The following WNT2B variants were observed in gnomAD, a reference collection of about 807,000 sequenced individuals.
WNT2B encodes Wnt family member 2B, also known as protein Wnt-2b.
WNT2B carries 19 observed loss-of-function variants against 40.5 expected under a neutral mutation model. That is an observed-to-expected ratio of 0.47 (90% CI 0.33 to 0.69). The LOEUF (loss-of-function observed/expected upper bound fraction) is 0.69. Ranked by LOEUF, WNT2B falls within the 30% of genes least tolerant of loss-of-function variation. The probability of loss-of-function intolerance (pLI) is 0.02; values close to 1 mark genes in which losing one functional copy is unlikely to be tolerated. For synonymous variants in WNT2B, 220 were observed against 211.9 expected, an observed-to-expected ratio of 1.04 and a Z score of -0.33; for missense variants, 467 against 556.4, an observed-to-expected ratio of 0.84 and a Z score of 1.62.
At chr1:112,481,123 C>T (rs569332345) in intron 1 of WNT2B, among the ~76,000 whole-genome samples, 17 of 151,232 alleles carry the variant, frequency 1.1e-4, no homozygotes, top group African/African-American at 3.6e-4. Context: ...GAGCCGAGAT[C>T]GCGCCACTGC....
intron 1 of WNT2B, among the ~76,000 whole-genome samples, chr1:112,514,310 A>G (rs1557920765): frequency 6.6e-6 from 1 of 152,124 alleles, no homozygotes; most frequent in African/African-American, 2.4e-5. Context: ...ACGATTGGGA[A>G]TGAGGATTTT....
chr1:112,488,852 C>T (rs1244866760), intron 1 of WNT2B, among the ~76,000 whole-genome samples: 1 of 152,062 alleles, frequency 6.6e-6, no homozygotes, highest in Non-Finnish European at 1.5e-5. Flanking sequence ...CTGTGCCTGG[C>T]CCTTTATTTA....
intron 1 of WNT2B, among the ~76,000 whole-genome samples, chr1:112,485,631 C>T (rs908292624): frequency 2.0e-5 from 3 of 152,108 alleles, no homozygotes; most frequent in East Asian, 1.9e-4. Context: ...ATGGAGAAAG[C>T]GTAATCTTTT....
chr1:112,513,284 C>A (rs935485147), intron 1 of WNT2B, among the ~76,000 whole-genome samples: 2 of 152,180 alleles, frequency 1.3e-5, no homozygotes, highest in Non-Finnish European at 2.9e-5. Context: ...CGTCAGGCAG[C>A]CTTTCCGGCC....
rs927399290 is a variant in WNT2B at position 112,509,466 on chromosome 1, G to A, written c.182+22G>A. ...GGTGGTAAGTGTGGCTCTCAGGCTG[G>A]GCGGGTGAGGCGCTTGGTAGGAGAG... On this transcript the variant is annotated intron_variant, in intron 1 of 4. Coordinates refer to ENST00000369684, the MANE Select transcript of WNT2B (RefSeq NM_024494.3). This position sits in a 1 kb window ranked among gnomAD's most constrained non-coding sequence, Gnocchi z 4.2. The A allele has an allele frequency of 6.5e-7, 1 of 1,546,100 alleles. No individual in the cohort carries two copies. Among genetic ancestry groups the A allele is most frequent in the Non-Finnish European group, 8.6e-7 (1 of 1,161,186 alleles).
At chr1:112,474,085 AAG>A (rs1650980447) in intron 1 of WNT2B, among the ~76,000 whole-genome samples, 1 of 150,430 alleles carries the variant, frequency 6.6e-6, no homozygotes, top group Non-Finnish European at 1.5e-5. Context: ...AAAAAAAAGA[AAG>A]AAAAAGAAAA....
chr1:112,502,984 C>T (rs1264441328), intron 1 of WNT2B, among the ~76,000 whole-genome samples: 1 of 151,824 alleles, frequency 6.6e-6, no homozygotes, highest in East Asian at 2.0e-4. Flanking sequence ...CACACACACT[C>T]ACACACACAC....
In WNT2B at chr1:112,527,303, A is replaced by C. The variant is rs1343535898; in HGVS notation, c.*6794A>C. The C allele has an allele frequency of 1.3e-5, 2 of 152,316 alleles. No individual in the cohort carries two copies. The highest frequency in any genetic ancestry group is 4.8e-5 in the African/African-American group (2 of 41,452). The allele number at this position is 152,316 out of a possible 1,614,324, so 9.4% of individuals were successfully genotyped here. On this transcript the variant is annotated 3_prime_UTR_variant, in exon 5 of 5. Transcript: ENST00000369684. ...GAGCTAGGAGAAGAACACCTCATGA[A>C]AACAGTCTACCTATAGTCAGGACTT...
In WNT2B at chr1:112,516,205, G is replaced by A. The variant is rs1258923351; in HGVS notation, c.469G>A (p.Ala157Thr). 5.0e-6 allele frequency: 8 copies of A among 1,613,926 alleles called. No homozygotes were observed. The highest frequency in any genetic ancestry group is 2.2e-5 in the South Asian group (2 of 91,076). ...AGGGGTAGTCCACGCTATTACTCGC[G>A]CCTGTAGCCAGGGTGAACTGAGTGT... ...SAGVVHAITR[A>T]CSQGELSVCS... Residue 157 changes from alanine (A) to threonine (T), a missense_variant, in exon 3 of 5, where the codon GCC becomes ACC. Physicochemically the swap from Ala to Thr is moderately conservative, Grantham distance 58. Transcript: ENST00000369684.
rs1652839171 is a variant in WNT2B, at chr1:112,520,974, CT to C, written c.*466del. On this transcript the variant is annotated 3_prime_UTR_variant, in exon 5 of 5. Transcript: ENST00000369684. The stretch of plus-strand genomic sequence containing the variant: ...CTGAAGTCCGTTTGAGCAGAACTAC[CT>C]GGTACCCCGAAAGAAAATCTTAGGC... The C allele has an allele frequency of 6.1e-6, 1 of 162,960 alleles. No homozygotes were observed. The highest frequency in any genetic ancestry group is 1.8e-4 in the South Asian group (1 of 5,656). 10.1% of individuals were successfully genotyped at this position (162,960 alleles called of 1,614,324 possible).
chr1:112,467,285 A>G (rs754117727), exon 1 of WNT2B: 12 of 517,024 alleles, frequency 2.3e-5, no homozygotes, highest in Non-Finnish European at 3.8e-5. Flanking sequence ...TGGTCTGCCC[A>G]GGCAAAGAAT....
In WNT2B at chr1:112,509,495, G is replaced by A; in HGVS notation, c.182+51G>A. The A allele has an allele frequency of 2.0e-6, 3 of 1,506,442 alleles. No individual in the cohort carries two copies. Among genetic ancestry groups the A allele is most frequent in the Non-Finnish European group, 2.6e-6 (3 of 1,145,022 alleles). The allele number at this position is 1,506,442 out of a possible 1,614,324, so 93.3% of individuals were successfully genotyped here. ...GGTGAGGCGCTTGGTAGGAGAGGCC[G>A]GAGGCGCCTGGAGGGACTGGCTGCT... On this transcript the variant is annotated intron_variant, in intron 1 of 4. Transcript: ENST00000369684. The surrounding 1 kb of genome is among the most constrained non-coding windows in gnomAD (Gnocchi z 4.2).
intron 1 of WNT2B, among the ~76,000 whole-genome samples, chr1:112,499,662 A>G (rs1651887088): frequency 6.6e-6 from 1 of 152,246 alleles, no homozygotes. Context: ...AAAAACAGGT[A>G]CAAAAACCCT....
intron 1 of WNT2B, among the ~76,000 whole-genome samples, chr1:112,481,785 A>G (rs535085149): frequency 6.6e-6 from 1 of 152,262 alleles, no homozygotes; most frequent in African/African-American, 2.4e-5. Context: ...CCAGGTCAAG[A>G]GAATTGCTTG....
intron 1 of WNT2B, among the ~76,000 whole-genome samples, chr1:112,468,107 A>C (rs1227675711): frequency 6.6e-6 from 1 of 152,186 alleles, no homozygotes; most frequent in Non-Finnish European, 1.5e-5. Flanking sequence ...AGTGACTTCC[A>C]GCACCATCCT....
intron 1 of WNT2B, among the ~76,000 whole-genome samples, chr1:112,489,378 G>T (rs1366727474): frequency 1.3e-5 from 2 of 151,902 alleles, no homozygotes; most frequent in African/African-American, 2.4e-5. Context: ...GGCCAACATG[G>T]TGAAAGCCCA....
chr1:112,491,072 G>A (rs1241029873), intron 1 of WNT2B: 3 of 1,613,890 alleles, frequency 1.9e-6, no homozygotes, highest in Admixed American at 1.7e-5. Flanking sequence ...TTCAACAAGT[G>A]TTTGCAAAGG....
upstream of WNT2B, among the ~76,000 whole-genome samples, chr1:112,507,108 C>G (rs555022152): frequency 6.6e-6 from 1 of 152,292 alleles, no homozygotes; most frequent in African/African-American, 2.4e-5. Context: ...CAGGAAGCTG[C>G]CTGGCTTGAT....
chr1:112,517,739 C>T, intron 4 of WNT2B: 1 of 206,112 alleles, frequency 4.9e-6, no homozygotes, highest in South Asian at 1.6e-4. Flanking sequence ...AGCCCTAAGC[C>T]TTTGGCTCTT....
Sources: gnomAD v4.1 joint callset for allele counts (sites outside exome capture counted in the v4.1 genomes callset) on GRCh38, gnomAD v4.1.1 for gene constraint, Gnocchi (gnomAD v3.1) non-coding constraint, MANE v1.5 for transcripts, NCBI Gene and HGNC (gene_info 2026-07-23, HGNC 2026-07-21) for gene names.